HLA-DQA1: variants seen among roughly 807,000 people sequenced by gnomAD.
HLA-DQA1 encodes the protein major histocompatibility complex, class II, DQ alpha 1.
A neutral mutation model predicts 20.7 loss-of-function variants in HLA-DQA1; 10 were observed. The ratio of observed to expected loss-of-function variants is 0.48; its 90% confidence interval spans 0.30 to 0.82. The LOEUF (loss-of-function observed/expected upper bound fraction) is 0.82, where lower values mean the gene tolerates loss of function less well. Among genes scored for constraint, HLA-DQA1 ranks in the 40% least tolerant of loss-of-function variants. HLA-DQA1 has a pLI of 0.07. For synonymous variants in HLA-DQA1, 39 were observed against 109.2 expected (o/e 0.36, Z 4.01); for missense variants, 127 against 293.0 (o/e 0.43, Z 4.14).
In HLA-DQA1 at chr6:32,640,508, A is replaced by G. The variant is rs1322626087; in HGVS notation, c.83-802A>G. On this transcript the variant is annotated intron_variant, in intron 1 of 4. Transcript: ENST00000343139. The stretch of plus-strand genomic sequence containing the variant: ...TGCCCATTAGAGGAAAAAGTGTGAT[A>G]TAAGTGTTGAGTCAGAATGCTGTAG... Among the ~76,000 whole-genome samples the G allele has an allele frequency of 2.2e-5, 2 of 89,358 alleles. 1 individual carries two copies. The highest frequency in any genetic ancestry group is 7.6e-5 in the African/African-American group (2 of 26,192). 58.6% of individuals were successfully genotyped at this position (89,358 alleles called of 152,430 possible).
chr6:32,648,296 C>T (rs1782066333), downstream of HLA-DQA1, among the ~76,000 whole-genome samples: 1 of 68,466 alleles, frequency 1.5e-5, no homozygotes, highest in South Asian at 5.2e-4. Flanking sequence ...CAACATCACC[C>T]TGATACCAAA....
chr6:32,652,761 G>C, the HLA-DQA1 span, among the ~76,000 whole-genome samples: 80,210 of 143,292 alleles, frequency 0.56, 23,241 homozygotes, highest in Middle Eastern at 0.7. Flanking sequence ...TTCTAAGACG[G>C]AGGAAAGAGA....
chr6:32,654,513 CCA>C, the HLA-DQA1 span, among the ~76,000 whole-genome samples: 5 of 99,280 alleles, frequency 5.0e-5, no homozygotes, highest in Non-Finnish European at 9.1e-5. Context: ...GCTTATCCTC[CCA>C]TATACTTTAA....
chr6:32,652,223 G>A, the HLA-DQA1 span, among the ~76,000 whole-genome samples: 2 of 87,274 alleles, frequency 2.3e-5, 1 homozygote, highest in Non-Finnish European at 4.9e-5. Flanking sequence ...GGAGTTTGCA[G>A]TGAGCCGAGA....
chr6:32,651,825 T>A (rs1408892148), downstream of HLA-DQA1, among the ~76,000 whole-genome samples: 2 of 94,770 alleles, frequency 2.1e-5, no homozygotes, highest in African/African-American at 7.2e-5. Flanking sequence ...TCTTGAAATA[T>A]ATCATTTTCA....
At chr6:32,639,002 G>A (rs28383358) in intron 1 of HLA-DQA1, 5,425 of 315,552 alleles carry the variant, frequency 0.017, 747 homozygotes, top group Middle Eastern at 0.07. Flanking sequence ...AAGGGGAAGT[G>A]AACTGGAAGG....
At chr6:32,654,330 G>T in the HLA-DQA1 span, among the ~76,000 whole-genome samples, 2 of 113,882 alleles carry the variant, frequency 1.8e-5, no homozygotes, top group Non-Finnish European at 3.9e-5. Context: ...AGTTAGACAG[G>T]AGGAATAAGT....
chr6:32,640,809 CT>C (rs1219157549), intron 1 of HLA-DQA1, among the ~76,000 whole-genome samples: 1 of 22,102 alleles, frequency 4.5e-5, no homozygotes. Flanking sequence ...CATGCTTTTC[CT>C]TTAAAAAAAA....
At chr6:32,654,245 A>T in the HLA-DQA1 span, among the ~76,000 whole-genome samples, 1 of 100,730 alleles carries the variant, frequency 9.9e-6, no homozygotes, top group African/African-American at 3.3e-5. Flanking sequence ...TCAAGGCTGC[A>T]GTGAGCTGTG....
chr6:32,652,497 G>A, the HLA-DQA1 span, among the ~76,000 whole-genome samples: 1 of 151,808 alleles, frequency 6.6e-6, no homozygotes, highest in African/African-American at 2.4e-5. Context: ...TCACTGAAAA[G>A]GGATCCTACT....
At chr6:32,640,773 A>C (rs9272649) in intron 1 of HLA-DQA1, among the ~76,000 whole-genome samples, 2,199 of 80,238 alleles carry the variant, frequency 0.027, 93 homozygotes, top group East Asian at 0.071. Context: ...TGTTAGCAGA[A>C]ATTATTTTAA....
chr6:32,637,594 GA>G, intron 1 of HLA-DQA1, 54 bp downstream of exon 1: 1 of 778,290 alleles, frequency 1.3e-6, no homozygotes, highest in Non-Finnish European at 1.9e-6. Flanking sequence ...TAAATTGAAG[GA>G]AAAGAGATAA....
the HLA-DQA1 span, among the ~76,000 whole-genome samples, chr6:32,654,965 G>A: frequency 1.6e-4 from 8 of 51,258 alleles, 2 homozygotes; most frequent in African/African-American, 3.3e-4. Flanking sequence ...TCCCAGAGGC[G>A]GAGGTTGCAG....
intron 3 of HLA-DQA1, 123 bp downstream of exon 3, chr6:32,642,376 T>A: frequency 2.3e-6 from 1 of 435,014 alleles, no homozygotes; most frequent in Non-Finnish European, 3.5e-6. Flanking sequence ...TCTGTCTCTC[T>A]TTTTTTTTTG....
downstream of HLA-DQA1, among the ~76,000 whole-genome samples, chr6:32,648,276 T>TC (rs1488253638): frequency 3.2e-4 from 30 of 94,276 alleles, 2 homozygotes; most frequent in Non-Finnish European, 4.9e-4. Flanking sequence ...TAATTAGAAT[T>TC]TTATGAGGCC....
intron 1 of HLA-DQA1, chr6:32,638,931 G>C (rs1346327785): frequency 2.8e-6 from 1 of 354,708 alleles, no homozygotes; most frequent in Non-Finnish European, 5.6e-6. Context: ...CTGACTCCCT[G>C]CTCCTTTATA....
downstream of HLA-DQA1, among the ~76,000 whole-genome samples, chr6:32,648,149 G>GA (rs1561963834): frequency 1.0e-5 from 1 of 98,800 alleles, no homozygotes; most frequent in African/African-American, 3.5e-5. Context: ...GGAGGGCAGA[G>GA]CAATGTTTGA....
At chr6:32,647,990 C>G (rs1001712383), downstream of HLA-DQA1, among the ~76,000 whole-genome samples, 1 of 145,388 alleles carries the variant, frequency 6.9e-6, no homozygotes, top group Non-Finnish European at 1.5e-5. Flanking sequence ...ATTACAAACT[C>G]TGAATAATTT....
downstream of HLA-DQA1, chr6:32,645,981 G>A (rs9273219): frequency 1.9e-3 from 128 of 66,958 alleles, 4 homozygotes; most frequent in Non-Finnish European, 2.2e-3. Context: ...TCCTCAAGCA[G>A]CACTGTGGAA....
Sources: gnomAD v4.1 joint callset for allele counts (sites outside exome capture counted in the v4.1 genomes callset) on GRCh38, gnomAD v4.1.1 for gene constraint, MANE v1.5 for transcripts, NCBI Gene and HGNC (gene_info 2026-07-23, HGNC 2026-07-21) for gene names.